Variants in HK1 observed in about 807,000 individuals in gnomAD.
HK1 encodes hexokinase 1.
A neutral mutation model predicts 91.6 loss-of-function variants in HK1; 28 were observed. The ratio of observed to expected loss-of-function variants is 0.31; its 90% confidence interval spans 0.23 to 0.42. HK1 has a LOEUF of 0.42. Ranked by LOEUF, HK1 falls within the 10% of genes least tolerant of loss-of-function variation. HK1 has a pLI of 1.00. For missense variants in HK1, 770 were observed against 1,219.8 expected, an observed-to-expected ratio of 0.63 and a Z score of 5.49; for synonymous variants, 430 against 468.1, an observed-to-expected ratio of 0.92 and a Z score of 1.05.
At chr10:69,309,679 T>C (rs907499395) in intron 5 of HK1, among the ~76,000 whole-genome samples, 1 of 151,202 alleles carries the variant, frequency 6.6e-6, no homozygotes, top group Non-Finnish European at 1.5e-5. Context: ...TGTGCACCTG[T>C]AGTCCCAGCT....
upstream of HK1, among the ~76,000 whole-genome samples, chr10:69,317,514 GGCTAGGGACTCCTAAAGTCAAGA>G (rs1327478417): frequency 6.6e-6 from 1 of 152,194 alleles, no homozygotes; most frequent in Non-Finnish European, 1.5e-5. Flanking sequence ...CCTGGTCAAG[GGCTAGGGACTCCTAAAGTCAAGA>G]GCTAGGGTAG....
chr10:69,306,372 AAAATAAAATAAAAAATAAAT>A (rs1286792989), intron 5 of HK1, among the ~76,000 whole-genome samples: 6 of 151,648 alleles, frequency 4.0e-5, no homozygotes, highest in East Asian at 3.9e-4. Context: ...AAATAAAAAT[AAAATAAAATAAAAAATAAAT>A]AAATAAAATA....
At chr10:69,397,120 C>T (rs1274027240) in intron 16 of HK1, among the ~76,000 whole-genome samples, 2 of 152,204 alleles carry the variant, frequency 1.3e-5, no homozygotes, top group Non-Finnish European at 2.9e-5. Context: ...GCTGTGAACA[C>T]GGGTGACCAG....
intron 5 of HK1, among the ~76,000 whole-genome samples, chr10:69,304,302 A>C (rs909320422): frequency 4.0e-5 from 6 of 148,760 alleles, no homozygotes; most frequent in Admixed American, 6.8e-5. Flanking sequence ...TTATTTATTT[A>C]TTTATTTATT....
At chr10:69,371,910 A>C (rs567059450) in intron 7 of HK1, among the ~76,000 whole-genome samples, 1 of 152,210 alleles carries the variant, frequency 6.6e-6, no homozygotes, top group East Asian at 1.9e-4. Context: ...TTGGGGCAAA[A>C]TCTCTTTTCT....
At chr10:69,376,854 AT>A (rs1052164010) in intron 7 of HK1, 79 bp from the exon 8 acceptor site, 2 of 1,569,716 alleles carry the variant, frequency 1.3e-6, no homozygotes, top group Admixed American at 1.7e-5. Flanking sequence ...GGGGCTTCCC[AT>A]TCCTTTTATG....
intron 8 of HK1, among the ~76,000 whole-genome samples, chr10:69,378,445 T>C (rs991267024): frequency 1.3e-5 from 2 of 152,168 alleles, no homozygotes; most frequent in Non-Finnish European, 2.9e-5. Flanking sequence ...TCGTTTTTGT[T>C]TTTGTTTTTA....
At chr10:69,279,192 A>G (rs897523868) in intron 1 of HK1, among the ~76,000 whole-genome samples, 2 of 152,324 alleles carry the variant, frequency 1.3e-5, no homozygotes, top group South Asian at 4.2e-4. Flanking sequence ...GCTGAGAGGC[A>G]GGTCTCTGTG....
intron 3 of HK1, 27 bp from the exon 4 acceptor site, chr10:69,364,756 C>T: frequency 6.2e-7 from 1 of 1,614,052 alleles, no homozygotes; most frequent in South Asian, 1.1e-5. Flanking sequence ...CTTTGGGGCC[C>T]CCTGACTGCT....
At chr10:69,364,149 G>T (rs1038152359) in intron 3 of HK1, among the ~76,000 whole-genome samples, 1 of 152,184 alleles carries the variant, frequency 6.6e-6, no homozygotes, top group Non-Finnish European at 1.5e-5. Flanking sequence ...GGCAGAAGGG[G>T]GCATATTACA....
intron 1 of HK1, chr10:69,278,560 A>C (rs1302260803): frequency 2.6e-5 from 4 of 152,182 alleles, no homozygotes; most frequent in Non-Finnish European, 4.4e-5. Flanking sequence ...CAAGGCTGGA[A>C]CGTCCCGGGA....
At position 69,270,344 on chromosome 10, in the gene HK1, G is replaced by T. The variant is rs1198153737; in HGVS notation, c.-391+236G>T. On this transcript the variant is annotated intron_variant, in intron 1 of 21. Coordinates refer to the HK1 transcript ENST00000360289. Reference sequence around the variant, plus strand: ...GCCTGTAATCCCTGCACTTTGGGAGGCCAAGGTGGGTAGATCACTGGAGGT... The same window carrying T: ...GCCTGTAATCCCTGCACTTTGGGAGTCCAAGGTGGGTAGATCACTGGAGGT... Among the ~76,000 whole-genome samples, 5 of 151,776 alleles carry T rather than the reference G, an allele frequency of 3.3e-5. No homozygotes were observed. In the South Asian group the frequency reaches 8.3e-4, roughly 25 times the overall value.
intron 8 of HK1, among the ~76,000 whole-genome samples, chr10:69,379,156 TA>T (rs543432673): frequency 3.0e-4 from 46 of 152,072 alleles, no homozygotes; most frequent in African/African-American, 9.7e-4. Context: ...TTTTAAATAT[TA>T]AAAAAAATCT....
intron 5 of HK1, among the ~76,000 whole-genome samples, chr10:69,308,599 C>G (rs139505688): frequency 8.7e-4 from 132 of 152,170 alleles, no homozygotes; most frequent in African/African-American, 3.1e-3. Flanking sequence ...GGTCAGGGGT[C>G]GATCTGTAAC....
chr10:69,300,813 A>G, exon 5 of HK1: 4 of 1,611,678 alleles, frequency 2.5e-6, no homozygotes, highest in Non-Finnish European at 3.4e-6. Flanking sequence ...ATTAATGTGC[A>G]CCACTGTGGT....
chr10:69,401,527 T>C lies in HK1; in HGVS notation c.*392T>C, dbSNP rs1232173232. 1 of 354,664 alleles carries C rather than the reference T, an allele frequency of 2.8e-6. No homozygotes were observed. Among genetic ancestry groups the C allele is most frequent in the Non-Finnish European group, 5.5e-6 (1 of 182,400 alleles). The allele number at this position is 354,664 out of a possible 1,614,324, so 22.0% of individuals were successfully genotyped here. A position where few individuals can be genotyped will look rare whatever the true frequency, so the allele number is the denominator to read the frequency against. On this transcript the variant is annotated 3_prime_UTR_variant, in exon 18 of 18. Transcript: ENST00000359426. The stretch of plus-strand genomic sequence containing the variant: ...CCATCCTTGGGGTTCCCCCTCCCTG[T>C]GTGAAATGTATTATCACCAGCAGAC...
At position 69,384,397 on chromosome 10, in the gene HK1, C is replaced by T. The variant is rs1251802629; in HGVS notation, c.1635C>T (p.Ile545=). The T allele has an allele frequency of 4.2e-5, 68 of 1,614,076 alleles. No individual in the cohort carries two copies. In the East Asian group the frequency reaches 1.5e-3, roughly 36 times the overall value. The change falls in exon 11 of 18, where the codon ATC becomes ATT. Residue 545 remains isoleucine, a synonymous_variant. Coordinates refer to ENST00000359426, the MANE Select transcript of HK1 (RefSeq NM_000188.3). The part of the protein sequence containing the change: ...GTNFRVLLVK[I]RSGKKRTVEM... ...ATTTCCGTGTGCTGCTGGTGAAAAT[C>T]CGTAGTGGGAAAAAGAGAACGGTGG...
At chr10:69,306,376 T>A (rs1846105433) in intron 5 of HK1, among the ~76,000 whole-genome samples, 1 of 138,196 alleles carries the variant, frequency 7.2e-6, no homozygotes, top group African/African-American at 2.7e-5. Context: ...AAAAATAAAA[T>A]AAAATAAAAA....
chr10:69,319,615 C>CGTG (rs1287109310), intron 1 of HK1, among the ~76,000 whole-genome samples: 5 of 152,262 alleles, frequency 3.3e-5, no homozygotes, highest in African/African-American at 1.2e-4. Flanking sequence ...GTGTCTGGAG[C>CGTG]GGCACGTCTG....
Sources: gnomAD v4.1 joint callset for allele counts (sites outside exome capture counted in the v4.1 genomes callset) on GRCh38, gnomAD v4.1.1 for gene constraint, MANE v1.5 for transcripts, NCBI Gene and HGNC (gene_info 2026-07-23, HGNC 2026-07-21) for gene names.